Variants in ZNF385D observed in about 807,000 individuals in gnomAD.
The protein encoded by ZNF385D is zinc finger protein 385D.
ZNF385D carries 15 observed loss-of-function variants against 35.8 expected under a neutral mutation model. That is an observed-to-expected ratio of 0.42 (90% confidence interval 0.28 to 0.64). The LOEUF is 0.64. Ranked by LOEUF, ZNF385D falls within the 30% of genes least tolerant of loss-of-function variation. The pLI is 0.23. For synonymous variants in ZNF385D, 212 were observed against 186.8 expected (o/e 1.13, Z -1.10); for missense variants, 474 against 494.6 (o/e 0.96, Z 0.39).
In ZNF385D at chr3:21,750,943, G is replaced by A. The variant is rs753655505; in HGVS notation, c.-27C>T. 8.1e-6 allele frequency: 13 copies of A among 1,614,030 alleles called. No homozygotes were observed. The highest frequency in any genetic ancestry group is 1.1e-5 in the South Asian group (1 of 91,070). Reference sequence around the variant, plus strand: ...AATCAGACAGCTGGAATCCCACCGCGGTGTCTTCAGCATCAGCTCTCACCC... The same window carrying A: ...AATCAGACAGCTGGAATCCCACCGCAGTGTCTTCAGCATCAGCTCTCACCC... On this transcript the variant is annotated 5_prime_UTR_variant, in exon 1 of 8. Coordinates refer to ENST00000281523, the MANE Select transcript of ZNF385D (RefSeq NM_024697.3).
At chr3:22,153,086 C>T (rs889684620) in intron 3 of ZNF385D, among the ~76,000 whole-genome samples, 5 of 152,188 alleles carry the variant, frequency 3.3e-5, no homozygotes, top group Admixed American at 6.5e-5. Flanking sequence ...CAATGTACTA[C>T]TGCATACAAC....
At chr3:22,153,276 A>C (rs1705370379) in intron 3 of ZNF385D, among the ~76,000 whole-genome samples, 1 of 151,966 alleles carries the variant, frequency 6.6e-6, no homozygotes, top group African/African-American at 2.4e-5. Flanking sequence ...CCTGAGGTCC[A>C]ATTAGGACTC....
intron 2 of ZNF385D, among the ~76,000 whole-genome samples, chr3:22,294,450 C>G (rs1173894078): frequency 6.6e-6 from 1 of 151,926 alleles, no homozygotes; most frequent in Non-Finnish European, 1.5e-5. Context: ...GGGTCCACCC[C>G]CGCATATTTA....
intron 3 of ZNF385D, among the ~76,000 whole-genome samples, chr3:21,910,761 G>A (rs1334982241): frequency 6.6e-6 from 1 of 151,496 alleles, no homozygotes; most frequent in Non-Finnish European, 1.5e-5. Flanking sequence ...AAGGCAGGAC[G>A]GAATACAAAG....
chr3:22,141,195 T>G (rs1704484877), intron 3 of ZNF385D, among the ~76,000 whole-genome samples: 1 of 152,168 alleles, frequency 6.6e-6, no homozygotes, highest in African/African-American at 2.4e-5. Flanking sequence ...ATCATTCTCT[T>G]GGATGCCGAA....
chr3:21,882,854 T>C (rs548475837), intron 3 of ZNF385D, among the ~76,000 whole-genome samples: 57 of 152,132 alleles, frequency 3.7e-4, no homozygotes, highest in African/African-American at 1.3e-3. Flanking sequence ...ACTTTCCCAG[T>C]TTCTCCACTT....
intron 5 of ZNF385D, among the ~76,000 whole-genome samples, chr3:21,435,649 C>T (rs1439692692): frequency 2.0e-5 from 3 of 152,170 alleles, no homozygotes; most frequent in Non-Finnish European, 2.9e-5. Flanking sequence ...ATGTGTTTCT[C>T]AGTCACTATG....
intron 3 of ZNF385D, among the ~76,000 whole-genome samples, chr3:21,800,596 G>C (rs1159581342): frequency 6.6e-6 from 1 of 152,128 alleles, no homozygotes; most frequent in Non-Finnish European, 1.5e-5. Flanking sequence ...AACAGAGTGA[G>C]ACCTTGCTAT....
chr3:22,320,989 A>G lies in ZNF385D; in HGVS notation c.106+51461T>C, dbSNP rs936517197. 7.2e-5 allele frequency among the ~76,000 whole-genome samples: 11 copies of G among 151,938 alleles called. 1 individual carries two copies. Among genetic ancestry groups the G allele is most frequent in the East Asian group, 1.9e-4 (1 of 5,190 alleles). On this transcript the variant is annotated intron_variant, in intron 2 of 5. Coordinates refer to the ZNF385D transcript ENST00000494108. Reference sequence around the variant, plus strand: ...TTTTTTTGAAATGAAAGCAGGAAAAACAAATTTGCGGAAAAACATAATAAA... The same window carrying G: ...TTTTTTTGAAATGAAAGCAGGAAAAGCAAATTTGCGGAAAAACATAATAAA...
intron 3 of ZNF385D, among the ~76,000 whole-genome samples, chr3:21,967,258 G>A (rs779856103): frequency 1.8e-4 from 28 of 151,892 alleles, no homozygotes; most frequent in Non-Finnish European, 2.9e-4. Context: ...GTCTTTTCTC[G>A]TCAAATTTCT....
intron 3 of ZNF385D, among the ~76,000 whole-genome samples, chr3:21,886,227 C>T (rs1007562385): frequency 6.6e-6 from 1 of 152,084 alleles, no homozygotes; most frequent in African/African-American, 2.4e-5. Context: ...GACTGTTTAT[C>T]TTCCCACCAT....
intron 2 of ZNF385D, among the ~76,000 whole-genome samples, chr3:22,265,588 A>AT (rs1210745099): frequency 6.6e-6 from 1 of 151,868 alleles, no homozygotes; most frequent in East Asian, 1.9e-4. Flanking sequence ...TATCAAATCA[A>AT]TTTTTGTCAC....
chr3:22,245,968 G>A (rs952287854), intron 2 of ZNF385D, among the ~76,000 whole-genome samples: 3 of 152,042 alleles, frequency 2.0e-5, no homozygotes, highest in Non-Finnish European at 2.9e-5. Context: ...TATGAAAAGA[G>A]CTCAGTCCCA....
At chr3:22,197,806 T>C (rs1696522053) in intron 2 of ZNF385D, among the ~76,000 whole-genome samples, 1 of 152,122 alleles carries the variant, frequency 6.6e-6, no homozygotes, top group African/African-American at 2.4e-5. Flanking sequence ...AAAAGCTGCT[T>C]AAAATATCTA....
intron 3 of ZNF385D, among the ~76,000 whole-genome samples, chr3:21,557,443 T>C (rs1348074734): frequency 6.6e-6 from 1 of 152,196 alleles, no homozygotes; most frequent in Admixed American, 6.5e-5. Flanking sequence ...TGTCATTGGT[T>C]CTGTTTATGT....
At chr3:21,519,286 G>T (rs918612320) in intron 3 of ZNF385D, among the ~76,000 whole-genome samples, 1 of 152,212 alleles carries the variant, frequency 6.6e-6, no homozygotes. Flanking sequence ...AGCAAAGAAA[G>T]TACTTTGTCA....
chr3:21,691,588 T>A (rs1400622625), intron 1 of ZNF385D, among the ~76,000 whole-genome samples: 1 of 152,210 alleles, frequency 6.6e-6, no homozygotes, highest in East Asian at 1.9e-4. Flanking sequence ...CCCCTTCTTT[T>A]TTCTTTGCTC....
At chr3:21,722,149 G>A (rs1316661701) in intron 1 of ZNF385D, among the ~76,000 whole-genome samples, 1 of 151,864 alleles carries the variant, frequency 6.6e-6, no homozygotes, top group African/African-American at 2.4e-5. Context: ...GAGCAGCAGG[G>A]GTGGTGCTAA....
At chr3:22,329,699 G>C (rs1694846472) in intron 2 of ZNF385D, among the ~76,000 whole-genome samples, 1 of 152,120 alleles carries the variant, frequency 6.6e-6, no homozygotes, top group Admixed American at 6.6e-5. Flanking sequence ...CTGTCCACTA[G>C]AAATGTAATG....
Sources: gnomAD v4.1 joint callset for allele counts (sites outside exome capture counted in the v4.1 genomes callset) on GRCh38, gnomAD v4.1.1 for gene constraint, MANE v1.5 for transcripts, NCBI Gene and HGNC (gene_info 2026-07-23, HGNC 2026-07-21) for gene names.